Variants in SHISA9 observed in about 807,000 individuals in gnomAD.
SHISA9 encodes shisa family member 9, also known as protein shisa-9.
In SHISA9, 13 loss-of-function variants were observed where a neutral mutation model predicts 38.0. The observed-to-expected ratio is 0.34, with a 90% CI of 0.22 to 0.54. The LOEUF (loss-of-function observed/expected upper bound fraction) is 0.54, where lower values mean the gene tolerates loss of function less well. Ranked by LOEUF, SHISA9 falls within the 20% of genes least tolerant of loss-of-function variation. The pLI is 0.91. For missense variants in SHISA9, 538 were observed against 575.8 expected (o/e 0.93, Z 0.67); for synonymous variants, 275 against 242.0 (o/e 1.14, Z -1.27).
At chr16:13,520,223 C>T in the SHISA9 span, among the ~76,000 whole-genome samples, 1 of 152,202 alleles carries the variant, frequency 6.6e-6, no homozygotes, top group African/African-American at 2.4e-5. Context: ...GCTAATTTTA[C>T]AAACCTTGGT....
the SHISA9 span, among the ~76,000 whole-genome samples, chr16:13,292,567 T>C: frequency 1.3e-5 from 2 of 152,136 alleles, no homozygotes; most frequent in Non-Finnish European, 2.9e-5. Flanking sequence ...CTCTTCTTAG[T>C]AGCCTCCATC....
At chr16:13,535,387 A>G in the SHISA9 span, among the ~76,000 whole-genome samples, 2 of 152,212 alleles carry the variant, frequency 1.3e-5, no homozygotes, top group Non-Finnish European at 2.9e-5. Flanking sequence ...AACCCACTCC[A>G]TGTGCAAAAT....
intron 1 of SHISA9, chr16:12,911,350 A>G (rs1020099425): frequency 4.0e-5 from 39 of 985,310 alleles, no homozygotes; most frequent in Non-Finnish European, 3.6e-5. Flanking sequence ...GGTTCTTTCT[A>G]CTGTCTAATT....
the SHISA9 span, among the ~76,000 whole-genome samples, chr16:13,494,501 TAAATG>T: frequency 2.0e-5 from 3 of 151,766 alleles, no homozygotes; most frequent in African/African-American, 7.2e-5. Flanking sequence ...CTTCCAATCA[TAAATG>T]AAAAGGAACG....
At chr16:13,299,609 G>T in the SHISA9 span, among the ~76,000 whole-genome samples, 3 of 151,880 alleles carry the variant, frequency 2.0e-5, no homozygotes, top group Admixed American at 6.6e-5. Flanking sequence ...AGCTACGTGG[G>T]AGGCTGAGGC....
rs2072237257 is a variant in SHISA9 at position 12,981,337 on chromosome 16, G to T, written c.691+64522G>T. On this transcript the variant is annotated intron_variant, in intron 2 of 4. Coordinates refer to ENST00000558583, the MANE Select transcript of SHISA9 (RefSeq NM_001145204.3). ...AGCAGAGTTCTCAGTTGGGACATAG[G>T]GGCAGGCACTGTTTGCCCCAGGGCA... 1.3e-5 allele frequency among the ~76,000 whole-genome samples: 2 copies of T among 152,340 alleles called. 1 individual carries two copies. The highest frequency in any genetic ancestry group is 6.8e-3 in the Middle Eastern group (2 of 294).
chr16:12,970,993 A>G (rs993192283), intron 2 of SHISA9, among the ~76,000 whole-genome samples: 2 of 152,218 alleles, frequency 1.3e-5, no homozygotes, highest in Admixed American at 6.5e-5. Context: ...GCACGTGGAC[A>G]GTTAGAGATT....
At chr16:13,131,111 GGT>G in intron 2 of SHISA9, among the ~76,000 whole-genome samples, 1 of 79,898 alleles carries the variant, frequency 1.3e-5, no homozygotes, top group South Asian at 4.7e-4. Flanking sequence ...CCCATTACTG[GGT>G]ATTATATACC....
At chr16:12,913,710 C>T (rs1188318237) in intron 1 of SHISA9, among the ~76,000 whole-genome samples, 2 of 152,298 alleles carry the variant, frequency 1.3e-5, no homozygotes, top group Non-Finnish European at 2.9e-5. Context: ...ATCTACTTTC[C>T]ATCTTTATGG....
chr16:13,049,177 TG>T (rs1178485295), intron 2 of SHISA9, among the ~76,000 whole-genome samples: 5 of 151,362 alleles, frequency 3.3e-5, no homozygotes, highest in African/African-American at 1.2e-4. Context: ...TGTGTGTGTG[TG>T]TGTGTGTGTG....
chr16:13,126,824 GGAAA>G (rs1409782466), intron 2 of SHISA9, among the ~76,000 whole-genome samples: 3 of 89,396 alleles, frequency 3.4e-5, no homozygotes, highest in African/African-American at 6.2e-5. Flanking sequence ...GAGAGCTGAG[GGAAA>G]GAAAGAGAGA....
chr16:13,213,689 A>G (rs540073683), intron 4 of SHISA9, among the ~76,000 whole-genome samples: 30 of 152,224 alleles, frequency 2.0e-4, no homozygotes, highest in South Asian at 6.2e-4. Flanking sequence ...AGAGAAAAAC[A>G]TAATCAAGTT....
At chr16:13,206,387 G>A (rs1420456104) in intron 3 of SHISA9, among the ~76,000 whole-genome samples, 1 of 152,098 alleles carries the variant, frequency 6.6e-6, no homozygotes, top group Non-Finnish European at 1.5e-5. Context: ...CTTGCTGATC[G>A]ATTTCAGTAT....
chr16:13,256,136 C>G, the SHISA9 span, among the ~76,000 whole-genome samples: 1 of 152,188 alleles, frequency 6.6e-6, no homozygotes, highest in African/African-American at 2.4e-5. Flanking sequence ...GCCAGAATAA[C>G]TTTTCTCCTA....
chr16:13,451,634 T>C, the SHISA9 span, among the ~76,000 whole-genome samples: 5 of 152,008 alleles, frequency 3.3e-5, no homozygotes, highest in Non-Finnish European at 5.9e-5. Flanking sequence ...AGAGAGAGAA[T>C]TCTAGCAAGA....
At chr16:13,494,592 C>T in the SHISA9 span, among the ~76,000 whole-genome samples, 2 of 152,012 alleles carry the variant, frequency 1.3e-5, no homozygotes, top group Admixed American at 1.3e-4. Flanking sequence ...TTCTACAAGG[C>T]ATCTGGTATG....
At chr16:12,998,287 C>T (rs1304494725) in intron 2 of SHISA9, among the ~76,000 whole-genome samples, 1 of 152,220 alleles carries the variant, frequency 6.6e-6, no homozygotes, top group African/African-American at 2.4e-5. Context: ...AAAATAAGCA[C>T]TAACATGTGT....
At chr16:13,121,988 C>G (rs1460919943) in intron 2 of SHISA9, among the ~76,000 whole-genome samples, 1 of 152,146 alleles carries the variant, frequency 6.6e-6, no homozygotes, top group African/African-American at 2.4e-5. Context: ...TTGAGTGATA[C>G]TGTTCACATA....
chr16:13,467,963 T>C, the SHISA9 span, among the ~76,000 whole-genome samples: 1 of 152,234 alleles, frequency 6.6e-6, no homozygotes, highest in East Asian at 1.9e-4. Flanking sequence ...CTATCCTTCA[T>C]GGTGTTTTAT....
Sources: gnomAD v4.1 joint callset for allele counts (sites outside exome capture counted in the v4.1 genomes callset) on GRCh38, gnomAD v4.1.1 for gene constraint, MANE v1.5 for transcripts, NCBI Gene and HGNC (gene_info 2026-07-23, HGNC 2026-07-21) for gene names.